The following RRAGB variants were observed in gnomAD, a reference collection of about 807,000 sequenced individuals.
RRAGB encodes Ras related GTP binding B, also known as ras-related GTP-binding protein B.
RRAGB carries 6 observed loss-of-function variants against 29.3 expected under a neutral mutation model. That is an observed-to-expected ratio of 0.21 (90% CI 0.11 to 0.40). The LOEUF (loss-of-function observed/expected upper bound fraction) is 0.40, where lower values mean the gene tolerates loss of function less well. RRAGB is among the 10% of genes least tolerant of loss of function. RRAGB has a pLI of 1.00. For missense variants in RRAGB, 184 were observed against 272.9 expected (o/e 0.67, Z 2.29); for synonymous variants, 101 against 92.5 (o/e 1.09, Z -0.53).
intron 4 of RRAGB, among the ~76,000 whole-genome samples, chrX:55,729,827 G>A (rs1000700803): frequency 8.9e-6 from 1 of 112,300 alleles, no homozygotes; most frequent in African/African-American, 3.2e-5. Context: ...TTCCTCTTAT[G>A]AGCAAAATAT....
intron 3 of RRAGB, among the ~76,000 whole-genome samples, chrX:55,728,953 T>A (rs1252952347): frequency 9.1e-6 from 1 of 109,943 alleles, no homozygotes; most frequent in Non-Finnish European, 1.9e-5. Context: ...GTATGTGAGG[T>A]TGGTGGGGGC....
At chrX:55,718,971 G>A (rs2033160699) in intron 1 of RRAGB, among the ~76,000 whole-genome samples, 1 of 111,801 alleles carries the variant, frequency 8.9e-6, no homozygotes, top group Non-Finnish European at 1.9e-5. Flanking sequence ...AATATATTCT[G>A]TTTTTTTAGA....
In RRAGB at chrX:55,740,478, G is replaced by A. The variant is rs193123316; in HGVS notation, c.516+8892G>A. Among the ~76,000 whole-genome samples, 481 of 111,905 alleles carry A rather than the reference G, an allele frequency of 4.3e-3. 2 individuals are homozygous for A. The highest frequency in any genetic ancestry group is 0.01 in the African/African-American group (310 of 30,800). ...GTTTATTCCTGTAGCACAAAAATCC[G>A]TGCTTTGGGATTCAACAAACTCTTG... On this transcript the variant is annotated intron_variant, in intron 5 of 9. Coordinates refer to ENST00000374941, the MANE Select transcript of RRAGB (RefSeq NM_006064.5).
chrX:55,735,260 C>T (rs2033829290), intron 5 of RRAGB, among the ~76,000 whole-genome samples: 1 of 111,909 alleles, frequency 8.9e-6, no homozygotes, highest in South Asian at 3.7e-4. Flanking sequence ...ATCTCTTTTT[C>T]TTAGGTCTAG....
At chrX:55,741,132 T>C (rs1336121211) in intron 5 of RRAGB, among the ~76,000 whole-genome samples, 1 of 110,205 alleles carries the variant, frequency 9.1e-6, no homozygotes, top group Non-Finnish European at 1.9e-5. Flanking sequence ...GACGTTGATT[T>C]CTTTGGCAAC....
chrX:55,755,350 C>A, intron 7 of RRAGB: 1 of 750,844 alleles, frequency 1.3e-6, no homozygotes, highest in Non-Finnish European at 1.6e-6. Flanking sequence ...TGAATAAGTT[C>A]ATTTGTAAAT....
At chrX:55,751,425 G>GC in intron 6 of RRAGB, 1 of 316,134 alleles carries the variant, frequency 3.2e-6, no homozygotes, top group Non-Finnish European at 5.5e-6. Flanking sequence ...CACTGAATTA[G>GC]CCAGTTTGGT....
In RRAGB at chrX:55,757,279, C is replaced by A. The variant is rs764947787; in HGVS notation, c.891C>A (p.Asp297Glu). Residue 297 changes from aspartate to glutamate, a missense_variant, in exon 9 of 10, where the codon GAC becomes GAA. Asp to Glu is a conservative substitution (Grantham distance 45). Transcript: ENST00000374941. Reference protein sequence around the residue: ...VRNSNFAAFIDIFTSNTYVMV... With the variant: ...VRNSNFAAFIEIFTSNTYVMV... Reference sequence around the variant, plus strand: ...ACTCTAACTTCGCTGCTTTCATTGACATCTTTACATCCAACACTTATGTGA... The same window carrying A: ...ACTCTAACTTCGCTGCTTTCATTGAAATCTTTACATCCAACACTTATGTGA... 1 of 1,191,951 alleles carries A rather than the reference C, an allele frequency of 8.4e-7. No individual in the cohort carries two copies. Among genetic ancestry groups the A allele is most frequent in the Non-Finnish European group, 1.1e-6 (1 of 881,837 alleles).
At position 55,725,361 on chromosome X, in the gene RRAGB, G is replaced by A. The variant is rs891813001; in HGVS notation, c.226+3076G>A. ...ATATTATGTTGGTCTTAAGGCTTTAGGATATCATCATTAGCTAGTTTGTCA... is the reference window on the plus strand; with the variant it reads ...ATATTATGTTGGTCTTAAGGCTTTAAGATATCATCATTAGCTAGTTTGTCA... On this transcript the variant is annotated intron_variant, in intron 3 of 9. Coordinates refer to ENST00000374941, the MANE Select transcript of RRAGB (RefSeq NM_006064.5). Among the ~76,000 whole-genome samples the A allele has an allele frequency of 3.6e-5, 4 of 111,607 alleles. No homozygotes were observed. The East Asian group carries it at 8.4e-4, about 23-fold the overall frequency.
At chrX:55,720,516 T>G (rs776836206) in intron 2 of RRAGB, among the ~76,000 whole-genome samples, 1 of 111,609 alleles carries the variant, frequency 9.0e-6, no homozygotes, top group Non-Finnish European at 1.9e-5. Context: ...ATCTTGGGAT[T>G]GAAGGTAGAA....
chrX:55,747,835 C>G (rs1176611654), intron 5 of RRAGB, among the ~76,000 whole-genome samples: 1 of 98,030 alleles, frequency 1.0e-5, no homozygotes, highest in African/African-American at 3.6e-5. Flanking sequence ...CTCCCTCTCC[C>G]TCTCCCTCTC....
At chrX:55,737,215 C>G (rs73505415) in intron 5 of RRAGB, among the ~76,000 whole-genome samples, 3,468 of 112,231 alleles carry the variant, frequency 0.031, 147 homozygotes, top group African/African-American at 0.11. Context: ...ATCTGCTTCC[C>G]CATCATGCTT....
At chrX:55,750,677 T>C (rs1262708073) in intron 5 of RRAGB, among the ~76,000 whole-genome samples, 1 of 111,746 alleles carries the variant, frequency 8.9e-6, no homozygotes, top group South Asian at 3.7e-4. Flanking sequence ...TGTATATATA[T>C]TTATATAGAT....
intron 5 of RRAGB, among the ~76,000 whole-genome samples, chrX:55,739,686 T>A (rs1441979341): frequency 1.8e-5 from 2 of 111,466 alleles, no homozygotes; most frequent in African/African-American, 6.5e-5. Flanking sequence ...GTCTGAAGCT[T>A]CTTTCAGTTT....
Position 55,718,146 on chromosome X carries a change from G to A in RRAGB, c.-182G>A. 6.0e-6 allele frequency: 2 copies of A among 332,076 alleles called. No homozygotes were observed. Among genetic ancestry groups the A allele is most frequent in the Non-Finnish European group, 1.1e-5 (2 of 189,409 alleles). The allele number at this position is 332,076 out of a possible 1,213,427, so 27.4% of individuals were successfully genotyped here. On this transcript the variant is annotated 5_prime_UTR_variant, in exon 1 of 10. Coordinates refer to ENST00000374941, the MANE Select transcript of RRAGB (RefSeq NM_006064.5). ...CTTGAGGCCAGGTTCGAGAGATAAA[G>A]GTAACCGTGGGGAAAGCGGCCCCCC...
At chrX:55,752,294 G>A in intron 6 of RRAGB, 3 of 752,318 alleles carry the variant, frequency 4.0e-6, no homozygotes, top group Non-Finnish European at 4.7e-6. Flanking sequence ...AACCAACTGC[G>A]GTGTGAAGGA....
Position 55,755,866 on chromosome X carries a change from A to T in RRAGB, c.761A>T (p.Glu254Val). 1.7e-6 allele frequency: 2 copies of T among 1,207,686 alleles called. No individual in the cohort carries two copies. The highest frequency in any genetic ancestry group is 2.2e-6 in the Non-Finnish European group (2 of 891,952). ...FLVISHYQCK[E>V]QRDAHRFEKI... The stretch of plus-strand genomic sequence containing the variant: ...GTAATTTCTCACTATCAGTGTAAAG[A>T]GCAGCGTGATGCCCATAGATTTGAG... The change falls in exon 8 of 10, where the codon GAG becomes GTG. Residue 254 changes from glutamate (E) to valine (V), a missense_variant. Transcript: ENST00000374941.
intron 8 of RRAGB, 74 bp from the exon 9 acceptor site, chrX:55,757,142 T>G: frequency 6.1e-6 from 3 of 495,383 alleles, no homozygotes; most frequent in Non-Finnish European, 1.1e-5. Flanking sequence ...CATCAAAAGA[T>G]GTTTAACATA....
At chrX:55,750,385 C>G (rs911139221) in intron 5 of RRAGB, among the ~76,000 whole-genome samples, 6 of 111,039 alleles carry the variant, frequency 5.4e-5, no homozygotes, top group African/African-American at 2.0e-4. Flanking sequence ...AGAAAGCAAT[C>G]TGGAGGCAAA....
Sources: gnomAD v4.1 joint callset for allele counts (sites outside exome capture counted in the v4.1 genomes callset) on GRCh38, gnomAD v4.1.1 for gene constraint, MANE v1.5 for transcripts, NCBI Gene and HGNC (gene_info 2026-07-23, HGNC 2026-07-21) for gene names.